Variants in PDZD2 observed in about 807,000 individuals in gnomAD.
PDZD2 encodes PDZ domain containing 2.
A neutral mutation model predicts 220.7 loss-of-function variants in PDZD2; 90 were observed. The ratio of observed to expected loss-of-function variants is 0.41; its 90% CI spans 0.34 to 0.49. The LOEUF (loss-of-function observed/expected upper bound fraction) is 0.49. PDZD2 is among the 20% of genes least tolerant of loss of function. The pLI, the probability that PDZD2 is intolerant of heterozygous loss-of-function variation, is 0.28. For missense variants in PDZD2, 3,174 were observed against 3,608.5 expected (o/e 0.88, Z 3.08); for synonymous variants, 1,375 against 1,450.5 (o/e 0.95, Z 1.18).
chr5:32,102,599 C>G (rs1327199461), intron 24 of PDZD2, among the ~76,000 whole-genome samples: 1 of 151,958 alleles, frequency 6.6e-6, no homozygotes, highest in Non-Finnish European at 1.5e-5. Context: ...GAGAACTAGG[C>G]TCAGGCAAGC....
chr5:31,885,911 A>C (rs569926259), intron 2 of PDZD2, among the ~76,000 whole-genome samples: 2 of 130,292 alleles, frequency 1.5e-5, no homozygotes, highest in Non-Finnish European at 3.4e-5. Flanking sequence ...TTTTTGAGTT[A>C]GTTTTTTGGT....
chr5:32,027,311 G>A (rs1429734681), intron 6 of PDZD2, among the ~76,000 whole-genome samples: 1 of 152,030 alleles, frequency 6.6e-6, no homozygotes, highest in East Asian at 1.9e-4. Context: ...GCTAATGACT[G>A]ATTACATTCC....
intron 4 of PDZD2, among the ~76,000 whole-genome samples, chr5:31,996,590 C>T (rs538185104): frequency 6.6e-6 from 1 of 152,216 alleles, no homozygotes; most frequent in East Asian, 1.9e-4. Context: ...TGCCTGTAGT[C>T]CCAGGTACTT....
intron 1 of PDZD2, among the ~76,000 whole-genome samples, chr5:31,779,888 A>G (rs977027125): frequency 1.6e-4 from 25 of 152,142 alleles, no homozygotes; most frequent in African/African-American, 5.8e-4. Flanking sequence ...TTTCTTGCCC[A>G]CTTTGGCTGT....
chr5:31,779,884 G>T (rs1253660589), intron 1 of PDZD2, among the ~76,000 whole-genome samples: 1 of 151,958 alleles, frequency 6.6e-6, no homozygotes, highest in East Asian at 1.9e-4. Context: ...GTATTTTCTT[G>T]CCCACTTTGG....
intron 7 of PDZD2, among the ~76,000 whole-genome samples, chr5:32,042,406 AC>A (rs551452337): frequency 3.0e-3 from 449 of 147,280 alleles, no homozygotes; most frequent in African/African-American, 0.011. Context: ...TACTAAAAAT[AC>A]AAAAAAAAAA....
Position 31,697,448 on chromosome 5 carries a change from G to C in PDZD2, c.-361+58011G>C, listed in dbSNP as rs1034939114. 5.9e-5 allele frequency among the ~76,000 whole-genome samples: 9 copies of C among 152,268 alleles called. No homozygotes were observed. The East Asian group carries it at 7.7e-4, about 13-fold the overall frequency. ...ACTGCACTCCAGCCTGGGTAACAGA[G>C]TGAGACTCCATCTCCAAATAAAAAA... On this transcript the variant is annotated intron_variant, in intron 1 of 24. Coordinates refer to ENST00000438447, the MANE Select transcript of PDZD2 (RefSeq NM_178140.4).
intron 6 of PDZD2, among the ~76,000 whole-genome samples, chr5:32,028,224 C>G (rs1384518452): frequency 6.6e-6 from 1 of 152,160 alleles, no homozygotes; most frequent in African/African-American, 2.4e-5. Flanking sequence ...ACAGCGGATA[C>G]TCAGGATTGC....
chr5:31,864,378 C>T (rs985628686), intron 2 of PDZD2, among the ~76,000 whole-genome samples: 4 of 152,186 alleles, frequency 2.6e-5, no homozygotes, highest in African/African-American at 7.2e-5. Context: ...CAGTCTCCAG[C>T]GAAACCTTTT....
At chr5:32,048,423 C>T in intron 7 of PDZD2, 116 bp from the exon 8 acceptor site, 1 of 806,926 alleles carries the variant, frequency 1.2e-6, no homozygotes, top group Non-Finnish European at 2.0e-6. Flanking sequence ...GTATTGGACG[C>T]TAGGCTTCTC....
chr5:31,989,325 A>G (rs1750989321), intron 3 of PDZD2, among the ~76,000 whole-genome samples: 1 of 151,926 alleles, frequency 6.6e-6, no homozygotes, highest in South Asian at 2.1e-4. Context: ...ACTGAAGGTA[A>G]TGGCCTTTGG....
chr5:31,894,986 T>A (rs933729841), intron 2 of PDZD2, among the ~76,000 whole-genome samples: 4 of 152,142 alleles, frequency 2.6e-5, no homozygotes, highest in African/African-American at 9.6e-5. Flanking sequence ...GCCTCCTGGG[T>A]TCAGCTGATT....
chr5:32,002,771 A>AC (rs140238297), intron 5 of PDZD2, among the ~76,000 whole-genome samples: 2 of 116,078 alleles, frequency 1.7e-5, no homozygotes, highest in South Asian at 2.9e-4. Context: ...CACACCACAC[A>AC]CACCAACACA....
chr5:31,752,013 G>C (rs865938141), intron 1 of PDZD2, among the ~76,000 whole-genome samples: 8 of 146,584 alleles, frequency 5.5e-5, no homozygotes, highest in Non-Finnish European at 1.5e-5. Context: ...ATTTTCTCTC[G>C]AGCAGATTTC....
At chr5:31,742,196 T>C (rs1750304765) in intron 1 of PDZD2, 1 of 152,224 alleles carries the variant, frequency 6.6e-6, no homozygotes, top group South Asian at 2.1e-4. Flanking sequence ...GTCATCCTAC[T>C]TTCTTCACGG....
At chr5:31,727,445 G>T (rs1293120874) in intron 1 of PDZD2, among the ~76,000 whole-genome samples, 1 of 146,268 alleles carries the variant, frequency 6.8e-6, no homozygotes, top group Non-Finnish European at 1.5e-5. Context: ...GGTGGCTCAC[G>T]CCTGTAATCC....
chr5:31,898,522 C>A (rs1741779750), intron 2 of PDZD2, among the ~76,000 whole-genome samples: 3 of 152,232 alleles, frequency 2.0e-5, no homozygotes, highest in African/African-American at 7.2e-5. Flanking sequence ...TTGAAGGCAG[C>A]TTCCCACCTT....
intron 3 of PDZD2, among the ~76,000 whole-genome samples, chr5:31,993,384 C>G (rs948832868): frequency 2.0e-5 from 3 of 152,186 alleles, no homozygotes; most frequent in Non-Finnish European, 2.9e-5. Context: ...AGCACGCTAC[C>G]CGAAGGAGTG....
At chr5:31,709,140 C>A (rs546077439) in intron 1 of PDZD2, among the ~76,000 whole-genome samples, 7 of 152,254 alleles carry the variant, frequency 4.6e-5, no homozygotes, top group African/African-American at 1.7e-4. Flanking sequence ...CCCACCTCAG[C>A]CTTCCAAAGT....
Sources: gnomAD v4.1 joint callset for allele counts (sites outside exome capture counted in the v4.1 genomes callset) on GRCh38, gnomAD v4.1.1 for gene constraint, MANE v1.5 for transcripts, NCBI Gene and HGNC (gene_info 2026-07-23, HGNC 2026-07-21) for gene names.